CFAP251: variants seen among roughly 807,000 people sequenced by gnomAD.
CFAP251 encodes the protein cilia and flagella associated protein 251.
A neutral mutation model predicts 126.7 loss-of-function variants in CFAP251; 93 were observed. The observed-to-expected ratio is 0.73, with a 90% CI of 0.62 to 0.87. CFAP251 has a LOEUF of 0.87. Among genes scored for constraint, CFAP251 ranks in the 40% least tolerant of loss-of-function variants. The pLI, the probability that CFAP251 is intolerant of heterozygous loss-of-function variation, is 0.00. For missense variants in CFAP251, 1,287 were observed against 1,389.2 expected, an observed-to-expected ratio of 0.93 and a Z score of 1.17; for synonymous variants, 503 against 506.9, an observed-to-expected ratio of 0.99 and a Z score of 0.10.
chr12:121,948,207 C>T (rs1374569051), intron 7 of CFAP251: 1 of 152,168 alleles, frequency 6.6e-6, no homozygotes, highest in Non-Finnish European at 1.5e-5. Context: ...GCCAGCAGCC[C>T]ATGCTATTCA....
chr12:121,989,032 G>A lies in CFAP251; in HGVS notation c.3007-10684G>A, dbSNP rs1170327992. On this transcript the variant is annotated intron_variant, in intron 19 of 21. Coordinates refer to ENST00000288912, the MANE Select transcript of CFAP251 (RefSeq NM_144668.6). This position sits in a 1 kb window ranked among gnomAD's most constrained non-coding sequence, Gnocchi z 4.2. Reference sequence around the variant, plus strand: ...ATCCCAGATGTGAGCCACGGTGCCCGGCCCACATCACTTCTTCACTTGAGC... The same window carrying A: ...ATCCCAGATGTGAGCCACGGTGCCCAGCCCACATCACTTCTTCACTTGAGC... Among the ~76,000 whole-genome samples, 2 of 152,144 alleles carry A rather than the reference G, an allele frequency of 1.3e-5. No individual in the cohort carries two copies. Among genetic ancestry groups the A allele is most frequent in the Admixed American group, 6.6e-5 (1 of 15,258 alleles).
rs1368081613 is a variant in CFAP251, at chr12:121,958,481, A to G, written c.1940A>G (p.Glu647Gly). 1 of 1,614,244 alleles carries G rather than the reference A, an allele frequency of 6.2e-7. No individual in the cohort carries two copies. Among genetic ancestry groups the G allele is most frequent in the Admixed American group, 1.7e-5 (1 of 60,034 alleles). ...NKQYLFSRVF[E>G]KGLGVQSLTY... Reference sequence around the variant, plus strand: ...CAATATCTTTTCAGCAGGGTTTTTGAGAAGGGGCTTGGAGTCCAGAGTCTG... The same window carrying G: ...CAATATCTTTTCAGCAGGGTTTTTGGGAAGGGGCTTGGAGTCCAGAGTCTG... The change falls in exon 12 of 22, where the codon GAG becomes GGG. Residue 647 changes from glutamate to glycine, a missense_variant. Glu to Gly is a moderately conservative substitution (Grantham distance 98). Transcript: ENST00000288912.
At chr12:122,003,111 G>A (rs1010210378) in intron 21 of CFAP251, among the ~76,000 whole-genome samples, 4 of 152,188 alleles carry the variant, frequency 2.6e-5, no homozygotes, top group African/African-American at 7.2e-5. Flanking sequence ...AGGCTTTCCA[G>A]TAAGGTTTGC....
chr12:121,934,207 A>G, intron 4 of CFAP251, 40 bp from the exon 5 acceptor site: 1 of 1,546,424 alleles, frequency 6.5e-7, no homozygotes, highest in Non-Finnish European at 8.9e-7. Context: ...GCTGGGCCGC[A>G]TCTTGGATGT....
At chr12:121,982,944 T>A (rs922917212) in intron 19 of CFAP251, among the ~76,000 whole-genome samples, 1 of 151,744 alleles carries the variant, frequency 6.6e-6, no homozygotes, top group Non-Finnish European at 1.5e-5. Context: ...CTCTAAAAAA[T>A]TTTAAAAATT....
chr12:121,983,512 A>G (rs188350925), intron 19 of CFAP251, among the ~76,000 whole-genome samples: 1 of 152,368 alleles, frequency 6.6e-6, no homozygotes, highest in African/African-American at 2.4e-5. Flanking sequence ...GCTGATGAAG[A>G]AAAGGTATCC....
intron 15 of CFAP251, among the ~76,000 whole-genome samples, chr12:121,963,727 A>C (rs913175612): frequency 2.0e-5 from 3 of 149,710 alleles, no homozygotes; most frequent in African/African-American, 7.4e-5. Flanking sequence ...CCATTCCCTC[A>C]TCCACAGCCC....
intron 15 of CFAP251, among the ~76,000 whole-genome samples, chr12:121,964,048 G>T (rs1882039623): frequency 6.6e-6 from 1 of 152,136 alleles, no homozygotes; most frequent in African/African-American, 2.4e-5. Context: ...AAGGAAGTCA[G>T]GGAACTGGCA....
chr12:121,930,019 A>G (rs2135751285), intron 3 of CFAP251, among the ~76,000 whole-genome samples: 2 of 152,136 alleles, frequency 1.3e-5, no homozygotes, highest in Middle Eastern at 6.8e-3. Context: ...CCTTTTCTAG[A>G]AAGTCATAGT....
Position 121,934,354 on chromosome 12 carries a change from AG to A in CFAP251, c.998+1del. 6.2e-7 allele frequency: 1 copy of A among 1,611,840 alleles called. No homozygotes were observed. Among genetic ancestry groups the A allele is most frequent in the Non-Finnish European group, 8.5e-7 (1 of 1,178,182 alleles). On this transcript the variant is annotated frameshift_variant and splice_region_variant, in exon 5 of 22. Coordinates refer to ENST00000288912, the MANE Select transcript of CFAP251 (RefSeq NM_144668.6). LOFTEE classifies it high-confidence loss of function. ...CLVIIWDSFT[G>X]IPVHTIFDSC... is the part of the protein sequence containing the mutation. ...TGGTGATTATATGGGACTCCTTCAC[AG>A]GGTAGGCTTTGTGTAGCCACTTCTT...
At chr12:121,940,379 G>C (rs1881060997) in intron 5 of CFAP251, among the ~76,000 whole-genome samples, 1 of 152,248 alleles carries the variant, frequency 6.6e-6, no homozygotes, top group East Asian at 1.9e-4. Flanking sequence ...AATTTCTGGG[G>C]CTACTTCTCA....
intron 7 of CFAP251, among the ~76,000 whole-genome samples, chr12:121,947,382 T>A (rs1175584350): frequency 6.6e-6 from 1 of 152,204 alleles, no homozygotes; most frequent in Non-Finnish European, 1.5e-5. Context: ...ATAACCCCAA[T>A]GCTCGGATCT....
At chr12:121,976,569 A>G (rs1452727786) in intron 19 of CFAP251, among the ~76,000 whole-genome samples, 2 of 152,158 alleles carry the variant, frequency 1.3e-5, no homozygotes, top group Non-Finnish European at 2.9e-5. Flanking sequence ...AAGCAGAGTC[A>G]AGAAGCATCT....
intron 16 of CFAP251, among the ~76,000 whole-genome samples, chr12:121,967,278 A>G (rs1348809779): frequency 2.0e-5 from 3 of 152,244 alleles, no homozygotes; most frequent in South Asian, 2.1e-4. Context: ...TGCATTTTCT[A>G]TATTCCCAGT....
intron 2 of CFAP251, among the ~76,000 whole-genome samples, chr12:121,922,233 G>A (rs1026504903): frequency 1.1e-4 from 16 of 151,046 alleles, no homozygotes; most frequent in South Asian, 2.1e-4. Flanking sequence ...TCAGCCTCCC[G>A]AGTAGTGAGA....
At chr12:121,942,453 C>G in intron 5 of CFAP251, 81 bp from the exon 6 acceptor site, 2 of 928,186 alleles carry the variant, frequency 2.2e-6, no homozygotes, top group South Asian at 3.1e-5. Flanking sequence ...GAGGTTTGGG[C>G]TGAGCTCAGA....
In CFAP251 at chr12:121,921,492, G is replaced by GAGGAGGAGGAGAAAA. The variant is rs762957166; in HGVS notation, c.196_197insAGAAAAAGGAGGAGG (p.Glu65_Gly66insGluLysLysGluGlu). The GAGGAGGAGGAGAAAA allele has an allele frequency of 6.8e-7, 1 of 1,463,632 alleles. No homozygotes were observed. The highest frequency in any genetic ancestry group is 2.5e-5 in the East Asian group (1 of 39,802). 90.7% of individuals were successfully genotyped at this position (1,463,632 alleles called of 1,614,324 possible). A position where few individuals can be genotyped will look rare whatever the true frequency, so the allele number is the denominator to read the frequency against. ...GAGGAAAACGGGCGAGGAGGAAGGGGAGGAGGAGGGGAAGGAGGACAAAAA... is the reference window on the plus strand; with the variant it reads ...GAGGAAAACGGGCGAGGAGGAAGGGGAGGAGGAGGAGAAAAAGGAGGAGGGGAAGGAGGACAAAAA... On this transcript the variant is annotated inframe_insertion, in exon 2 of 22. Transcript: ENST00000288912.
In CFAP251 at chr12:121,948,149, C is replaced by T. The variant is rs1000935179; in HGVS notation, c.1192-835C>T. 3.9e-5 allele frequency: 6 copies of T among 152,326 alleles called. No individual in the cohort carries two copies. In the East Asian group the frequency reaches 1.2e-3, roughly 29 times the overall value. The allele number at this position is 152,326 out of a possible 1,614,324, so 9.4% of individuals were successfully genotyped here. On this transcript the variant is annotated intron_variant, in intron 7 of 21. Transcript: ENST00000288912. Reference sequence around the variant, plus strand: ...GGCTGTTTGGTTTCTGTATTTAAAACTTTCCGTCACTTCCATAGTTTCTGC... The same window carrying T: ...GGCTGTTTGGTTTCTGTATTTAAAATTTTCCGTCACTTCCATAGTTTCTGC...
intron 7 of CFAP251, among the ~76,000 whole-genome samples, chr12:121,943,521 C>T (rs189392453): frequency 2.0e-5 from 3 of 152,016 alleles, no homozygotes; most frequent in African/African-American, 7.2e-5. Flanking sequence ...CTCCCAGGTT[C>T]AAGCGATTCT....
Sources: gnomAD v4.1 joint callset for allele counts (sites outside exome capture counted in the v4.1 genomes callset) on GRCh38, gnomAD v4.1.1 for gene constraint, Gnocchi (gnomAD v3.1) non-coding constraint, MANE v1.5 for transcripts, NCBI Gene and HGNC (gene_info 2026-07-23, HGNC 2026-07-21) for gene names.